Variants in PTPRD observed in about 807,000 individuals in gnomAD.
The protein encoded by PTPRD is receptor-type tyrosine-protein phosphatase delta.
A neutral mutation model predicts 214.5 loss-of-function variants in PTPRD; 34 were observed. The ratio of observed to expected loss-of-function variants is 0.16; its 90% CI spans 0.12 to 0.21. PTPRD has a LOEUF of 0.21. Ranked by LOEUF, PTPRD falls within the 10% of genes least tolerant of loss-of-function variation. PTPRD has a pLI of 1.00. For synonymous variants in PTPRD, 1,128 were observed against 845.7 expected (o/e 1.33, Z -5.79); for missense variants, 2,545 against 2,398.7 (o/e 1.06, Z -1.27).
chr9:9,436,404 T>A (rs996990731), intron 8 of PTPRD, among the ~76,000 whole-genome samples: 6 of 152,120 alleles, frequency 3.9e-5, no homozygotes, highest in East Asian at 1.9e-4. Context: ...AGACACTGGA[T>A]ATATTGAACC....
At chr9:9,494,452 G>A (rs761398397) in intron 8 of PTPRD, among the ~76,000 whole-genome samples, 3 of 152,082 alleles carry the variant, frequency 2.0e-5, no homozygotes, top group Non-Finnish European at 4.4e-5. Flanking sequence ...CCCCAACCTC[G>A]AGTAACCACC....
At chr9:9,895,688 A>G (rs2074767568) in intron 5 of PTPRD, among the ~76,000 whole-genome samples, 1 of 152,052 alleles carries the variant, frequency 6.6e-6, no homozygotes, top group South Asian at 2.1e-4. Context: ...TGGCAACTAT[A>G]GTCAACAATA....
chr9:8,414,904 G>A (rs1319787291), intron 35 of PTPRD, among the ~76,000 whole-genome samples: 2 of 125,724 alleles, frequency 1.6e-5, no homozygotes, highest in African/African-American at 3.1e-5. Flanking sequence ...AGAGGGATGG[G>A]GAGGGAGGGG....
At position 9,597,967 on chromosome 9, in the gene PTPRD, T is replaced by C. The variant is rs370372781; in HGVS notation, c.-286-23186A>G. On this transcript the variant is annotated intron_variant, in intron 7 of 45. Transcript: ENST00000381196. ...GTTTATTATATTTTTTCATCATCAC[T>C]ACATTAAGATTAAATGCAAAAACCA... Among the ~76,000 whole-genome samples, 9 of 152,158 alleles carry C rather than the reference T, an allele frequency of 5.9e-5. No homozygotes were observed. The East Asian group carries it at 1.7e-3, about 29-fold the overall frequency.
At chr9:8,968,140 A>T (rs1384687724) in intron 11 of PTPRD, among the ~76,000 whole-genome samples, 3 of 151,906 alleles carry the variant, frequency 2.0e-5, no homozygotes, top group Admixed American at 6.6e-5. Context: ...ACATTTTCTT[A>T]ATCCAGTCTA....
intron 4 of PTPRD, among the ~76,000 whole-genome samples, chr9:9,942,159 C>CCA (rs2091628107): frequency 1.3e-5 from 2 of 152,100 alleles, no homozygotes; most frequent in Non-Finnish European, 2.9e-5. Flanking sequence ...CATTGATTGG[C>CCA]ATCTGTGTGT....
At chr9:10,612,022 G>T (rs1296539543) in intron 2 of PTPRD, among the ~76,000 whole-genome samples, 1 of 151,520 alleles carries the variant, frequency 6.6e-6, no homozygotes, top group African/African-American at 2.4e-5. Context: ...GAAGGTGGCA[G>T]GAGAAGTGAG....
At chr9:8,758,964 C>G (rs1004750546) in intron 11 of PTPRD, among the ~76,000 whole-genome samples, 5 of 151,768 alleles carry the variant, frequency 3.3e-5, no homozygotes, top group Non-Finnish European at 7.4e-5. Flanking sequence ...GGATTGCAGG[C>G]GTGAGCCACC....
At chr9:10,135,275 A>G (rs895028214) in intron 3 of PTPRD, among the ~76,000 whole-genome samples, 1 of 152,164 alleles carries the variant, frequency 6.6e-6, no homozygotes, top group Non-Finnish European at 1.5e-5. Flanking sequence ...AGAGAGTAGT[A>G]GAGAGATTAA....
At chr9:8,892,523 A>ATG (rs1275674862) in intron 11 of PTPRD, among the ~76,000 whole-genome samples, 1 of 150,224 alleles carries the variant, frequency 6.7e-6, no homozygotes, top group African/African-American at 2.5e-5. Context: ...ATATATATAT[A>ATG]TGTGTGTGTA....
chr9:10,522,296 C>G (rs558302397), intron 2 of PTPRD, among the ~76,000 whole-genome samples: 16 of 152,224 alleles, frequency 1.1e-4, no homozygotes, highest in African/African-American at 3.8e-4. Flanking sequence ...ATATGAGGCT[C>G]TGAATACACA....
intron 11 of PTPRD, among the ~76,000 whole-genome samples, chr9:8,941,696 A>G (rs10759021): frequency 0.31 from 47,011 of 152,108 alleles, 7,597 homozygotes; most frequent in Non-Finnish European, 0.35. Context: ...AGTGAGTTAA[A>G]GTGGCTGAAA....
chr9:8,325,089 C>A (rs901823541), intron 44 of PTPRD, among the ~76,000 whole-genome samples: 5 of 148,506 alleles, frequency 3.4e-5, no homozygotes, highest in Admixed American at 3.3e-4. Context: ...TGTGCAGAAG[C>A]TCTTTAGTTT....
intron 7 of PTPRD, among the ~76,000 whole-genome samples, chr9:9,648,574 C>G (rs1180134747): frequency 1.3e-5 from 2 of 152,098 alleles, no homozygotes; most frequent in Non-Finnish European, 2.9e-5. Flanking sequence ...ACAGACAAAG[C>G]TGAATAATCA....
chr9:9,743,500 A>G lies in PTPRD; in HGVS notation c.-325-8929T>C, dbSNP rs576397375. ...GCGCTTGTACTCAAGTGAGGGCTTA[A>G]TATTAGATAATCCTGGACTTCATGG... On this transcript the variant is annotated intron_variant, in intron 6 of 45. Transcript: ENST00000381196. 2.0e-5 allele frequency among the ~76,000 whole-genome samples: 3 copies of G among 152,080 alleles called. No individual in the cohort carries two copies. The South Asian group carries it at 6.2e-4, about 32-fold the overall frequency.
intron 20 of PTPRD, 120 bp downstream of exon 20, chr9:8,521,157 C>T (rs1305970721): frequency 8.4e-7 from 1 of 1,196,518 alleles, no homozygotes; most frequent in Admixed American, 2.6e-5. Context: ...TTAGGTTATA[C>T]ACACATTTAA....
intron 9 of PTPRD, among the ~76,000 whole-genome samples, chr9:9,211,943 CTT>C (rs2099949046): frequency 1.3e-5 from 2 of 152,032 alleles, no homozygotes; most frequent in Admixed American, 1.3e-4. Flanking sequence ...TATCTGCACT[CTT>C]TTTAGTGATC....
intron 11 of PTPRD, among the ~76,000 whole-genome samples, chr9:8,969,184 C>A (rs927237721): frequency 6.6e-6 from 1 of 152,052 alleles, no homozygotes; most frequent in Non-Finnish European, 1.5e-5. Context: ...ACTGACATCA[C>A]TTTTCACTCA....
At chr9:10,108,213 G>C (rs921957897) in intron 3 of PTPRD, among the ~76,000 whole-genome samples, 1 of 152,008 alleles carries the variant, frequency 6.6e-6, no homozygotes, top group African/African-American at 2.4e-5. Flanking sequence ...AAATTGCATA[G>C]TTTTATGGTA....
Sources: gnomAD v4.1 joint callset for allele counts (sites outside exome capture counted in the v4.1 genomes callset) on GRCh38, gnomAD v4.1.1 for gene constraint, MANE v1.5 for transcripts, NCBI Gene and HGNC (gene_info 2026-07-23, HGNC 2026-07-21) for gene names.